The following THOC5 variants were observed in gnomAD, a reference collection of about 807,000 sequenced individuals.
The protein encoded by THOC5 is THO complex subunit 5.
THOC5 carries 43 observed loss-of-function variants against 92.9 expected under a neutral mutation model. The observed-to-expected ratio is 0.46, with a 90% CI of 0.36 to 0.60. The LOEUF (loss-of-function observed/expected upper bound fraction) is 0.60, where lower values mean the gene tolerates loss of function less well. Ranked by LOEUF, THOC5 falls within the 20% of genes least tolerant of loss-of-function variation. THOC5 has a pLI of 0.00. For missense variants in THOC5, 659 were observed against 849.4 expected (o/e 0.78, Z 2.79); for synonymous variants, 296 against 320.1 (o/e 0.92, Z 0.80).
chr22:29,513,468 G>A (rs2063268076), intron 17 of THOC5, among the ~76,000 whole-genome samples: 1 of 152,144 alleles, frequency 6.6e-6, no homozygotes, highest in Non-Finnish European at 1.5e-5. Flanking sequence ...GGCAGAAGTG[G>A]GTGGATCACT....
chr22:29,538,800 G>GAAAAAAAAAAAAA lies in THOC5; in HGVS notation c.599+529_599+530insTTTTTTTTTTTTT, dbSNP rs1491105374. ...CAATAGAGTGAAACGCCATCTCTTT[G>GAAAAAAAAAAAAA]GAAAAAAAAAAAAAAAAAAAAAAAA... is the stretch of plus-strand genomic sequence containing the variant. On this transcript the variant is annotated intron_variant, in intron 6 of 19. Transcript: ENST00000490103. Among the ~76,000 whole-genome samples the GAAAAAAAAAAAAA allele has an allele frequency of 1.5e-4, 5 of 32,988 alleles. 2 individuals are homozygous for GAAAAAAAAAAAAA. The highest frequency in any genetic ancestry group is 9.8e-4 in the Admixed American group (2 of 2,038). The allele number at this position is 32,988 out of a possible 152,430, so 21.6% of individuals were successfully genotyped here.
chr22:29,511,945 C>T, intron 18 of THOC5, 76 bp downstream of exon 18: 1 of 1,217,080 alleles, frequency 8.2e-7, no homozygotes, highest in Non-Finnish European at 1.2e-6. Context: ...AAGTCCTCAG[C>T]TGCAGTGGGT....
chr22:29,548,589 T>C (rs1042404155), intron 2 of THOC5, among the ~76,000 whole-genome samples: 3 of 151,800 alleles, frequency 2.0e-5, no homozygotes, highest in Non-Finnish European at 4.4e-5. Context: ...AAGTCACAAA[T>C]GAAGTTGACA....
chr22:29,530,879 T>C (rs928128657), intron 8 of THOC5, among the ~76,000 whole-genome samples: 1 of 152,084 alleles, frequency 6.6e-6, no homozygotes, highest in African/African-American at 2.4e-5. Flanking sequence ...ATGGCAAACT[T>C]CCCCCAAGTG....
intron 3 of THOC5, 37 bp from the exon 4 acceptor site, chr22:29,543,579 A>C (rs1360592446): frequency 6.5e-7 from 1 of 1,540,494 alleles, no homozygotes. Flanking sequence ...CACTGACGAC[A>C]GGGCTAGCTC....
rs1398625372 is a variant in THOC5 at position 29,542,759 on chromosome 22, G to A, written c.452+100C>T. 47 of 750,266 alleles carry A rather than the reference G, an allele frequency of 6.3e-5. No individual in the cohort carries two copies. In the Middle Eastern group the frequency reaches 2.3e-3, roughly 36 times the overall value. The allele number at this position is 750,266 out of a possible 1,614,324, so 46.5% of individuals were successfully genotyped here. ...AGCCTGGGTGACAGGGCAAGACTCCGTCTCAAAAAAAAAAAAGAAACAGAC... is the reference window on the plus strand; with the variant it reads ...AGCCTGGGTGACAGGGCAAGACTCCATCTCAAAAAAAAAAAAGAAACAGAC... On this transcript the variant is annotated intron_variant, in intron 5 of 19. Transcript: ENST00000490103.
At chr22:29,523,211 C>T (rs952273321) in intron 12 of THOC5, among the ~76,000 whole-genome samples, 1 of 151,410 alleles carries the variant, frequency 6.6e-6, no homozygotes, top group Non-Finnish European at 1.5e-5. Flanking sequence ...CACTGCACTC[C>T]GGCCTGGGCG....
intron 9 of THOC5, 52 bp from the exon 10 acceptor site, chr22:29,528,518 C>G: frequency 6.2e-7 from 1 of 1,601,446 alleles, no homozygotes. Flanking sequence ...CAAATGCTCC[C>G]TAAAGCACTC....
At chr22:29,540,318 G>T (rs1435577002) in intron 5 of THOC5, among the ~76,000 whole-genome samples, 2 of 152,192 alleles carry the variant, frequency 1.3e-5, no homozygotes, top group Non-Finnish European at 2.9e-5. Context: ...TGACTGCTCA[G>T]GTTATGGTCA....
chr22:29,510,195 G>A (rs943726549), intron 19 of THOC5, among the ~76,000 whole-genome samples: 4 of 152,246 alleles, frequency 2.6e-5, no homozygotes, highest in Non-Finnish European at 5.9e-5. Context: ...GTACCAAGCT[G>A]TCAGGAACTG....
At chr22:29,543,746 G>A (rs1411147274) in intron 3 of THOC5, among the ~76,000 whole-genome samples, 1 of 152,112 alleles carries the variant, frequency 6.6e-6, no homozygotes, top group Non-Finnish European at 1.5e-5. Context: ...AGTAATTTCT[G>A]CTTGGACTAG....
intron 11 of THOC5, among the ~76,000 whole-genome samples, chr22:29,527,378 C>T (rs2063565365): frequency 6.6e-6 from 1 of 152,176 alleles, no homozygotes; most frequent in South Asian, 2.1e-4. Flanking sequence ...GTGATCATGC[C>T]ACTGTACTCC....
chr22:29,518,685 G>A (rs1473723804), intron 15 of THOC5, among the ~76,000 whole-genome samples: 2 of 152,228 alleles, frequency 1.3e-5, no homozygotes, highest in Admixed American at 6.5e-5. Flanking sequence ...CACTAAATAT[G>A]TGTCGAATGC....
chr22:29,532,508 A>G (rs79289579), intron 7 of THOC5, among the ~76,000 whole-genome samples: 1 of 151,384 alleles, frequency 6.6e-6, no homozygotes, highest in African/African-American at 2.4e-5. Context: ...ACTAAAAAAA[A>G]TACAAAATTA....
chr22:29,549,252 G>A, intron 1 of THOC5, 94 bp from the exon 2 acceptor site: 1 of 1,116,464 alleles, frequency 9.0e-7, no homozygotes. Flanking sequence ...GGTAACTCAA[G>A]GAAAGTCATT....
intron 17 of THOC5, among the ~76,000 whole-genome samples, chr22:29,516,598 A>C (rs952703962): frequency 6.6e-6 from 1 of 152,260 alleles, no homozygotes; most frequent in Non-Finnish European, 1.5e-5. Flanking sequence ...AATGCCTCTA[A>C]AGTGAGTGCA....
chr22:29,530,580 T>C (rs2063633629), intron 8 of THOC5, among the ~76,000 whole-genome samples: 1 of 152,136 alleles, frequency 6.6e-6, no homozygotes, highest in Non-Finnish European at 1.5e-5. Flanking sequence ...ATTATAGCCA[T>C]TTATAGATGA....
At chr22:29,525,427 T>C (rs894312680) in intron 12 of THOC5, among the ~76,000 whole-genome samples, 2 of 152,084 alleles carry the variant, frequency 1.3e-5, no homozygotes, top group Non-Finnish European at 2.9e-5. Flanking sequence ...GGACATGGGC[T>C]TGGGCTGAGC....
intron 1 of THOC5, among the ~76,000 whole-genome samples, chr22:29,552,111 C>T (rs2064165287): frequency 6.6e-6 from 1 of 152,156 alleles, no homozygotes; most frequent in African/African-American, 2.4e-5. Context: ...GGCTGGAGTG[C>T]AGTGGCGTGA....
Sources: allele counts gnomAD v4.1 joint callset (sites outside exome capture counted in the v4.1 genomes callset), GRCh38; gene constraint gnomAD v4.1.1; transcripts MANE v1.5; gene names NCBI Gene and HGNC (gene_info 2026-07-23, HGNC 2026-07-21).